PRKDC: variants seen among roughly 807,000 people sequenced by gnomAD.
The protein encoded by PRKDC is DNA-dependent protein kinase catalytic subunit.
PRKDC carries 82 observed loss-of-function variants against 486.9 expected under a neutral mutation model. That is an observed-to-expected ratio of 0.17 (90% CI 0.14 to 0.20). The LOEUF (loss-of-function observed/expected upper bound fraction) is 0.20, where lower values mean the gene tolerates loss of function less well. Ranked by LOEUF, PRKDC falls within the 10% of genes least tolerant of loss-of-function variation. The pLI, the probability that PRKDC is intolerant of heterozygous loss-of-function variation, is 1.00. For missense variants in PRKDC, 4,504 were observed against 5,038.2 expected (o/e 0.89, Z 3.21); for synonymous variants, 1,895 against 1,837.0 (o/e 1.03, Z -0.81).
chr8:47,938,910 T>C (rs2090396120), intron 11 of PRKDC, among the ~76,000 whole-genome samples: 1 of 152,194 alleles, frequency 6.6e-6, no homozygotes, highest in Non-Finnish European at 1.5e-5. Flanking sequence ...ATAAACTTTT[T>C]TTTTAACTTC....
chr8:47,919,538 T>C (rs530992155), intron 21 of PRKDC, among the ~76,000 whole-genome samples: 43 of 152,336 alleles, frequency 2.8e-4, no homozygotes, highest in African/African-American at 1.0e-3. Context: ...CCAGGTGAGC[T>C]GCGCCGCGGG....
intron 62 of PRKDC, among the ~76,000 whole-genome samples, chr8:47,827,834 A>G (rs1314975872): frequency 6.6e-6 from 1 of 152,252 alleles, no homozygotes; most frequent in Admixed American, 6.5e-5. Flanking sequence ...TTTTGACAGT[A>G]GTCAGGAAGC....
At chr8:47,780,531 C>G (rs2086681792) in intron 80 of PRKDC, among the ~76,000 whole-genome samples, 1 of 152,228 alleles carries the variant, frequency 6.6e-6, no homozygotes, top group Non-Finnish European at 1.5e-5. Flanking sequence ...CTTAGCAATT[C>G]AATCACTTCA....
At chr8:47,834,519 GC>G in intron 58 of PRKDC, 123 bp from the exon 59 acceptor site, 1 of 991,634 alleles carries the variant, frequency 1.0e-6, no homozygotes. Context: ...CCAACCCTGG[GC>G]AGAGGCTCTG....
At chr8:47,884,772 C>G (rs1236872088) in intron 36 of PRKDC, among the ~76,000 whole-genome samples, 2 of 152,216 alleles carry the variant, frequency 1.3e-5, no homozygotes, top group Non-Finnish European at 2.9e-5. Flanking sequence ...CAACAGTTAA[C>G]AGTTTCTGTC....
Position 47,821,810 on chromosome 8 carries a change from A to T in PRKDC, c.8923-18T>A, listed in dbSNP as rs996319313. On this transcript the variant is annotated intron_variant, in intron 64 of 85. Transcript: ENST00000314191. ...TTGAGAGCCTAGTGGAGAAAAGTTAATAAAATTATTTTACAAAGTTGGAAA... is the reference window on the plus strand; with the variant it reads ...TTGAGAGCCTAGTGGAGAAAAGTTATTAAAATTATTTTACAAAGTTGGAAA... 1 of 1,518,946 alleles carries T rather than the reference A, an allele frequency of 6.6e-7. No homozygotes were observed. The highest frequency in any genetic ancestry group is 1.3e-5 in the South Asian group (1 of 76,714). 94.1% of individuals were successfully genotyped at this position (1,518,946 alleles called of 1,614,324 possible).
At chr8:47,777,964 G>T in intron 83 of PRKDC, 90 bp from the exon 84 acceptor site, 1 of 1,191,950 alleles carries the variant, frequency 8.4e-7, no homozygotes, top group Non-Finnish European at 1.2e-6. Context: ...CATAGTTACT[G>T]TTCACATTTA....
chr8:47,794,756 T>C lies in PRKDC; in HGVS notation c.10459-255A>G, dbSNP rs556343682. On this transcript the variant is annotated intron_variant, in intron 73 of 85. Transcript: ENST00000314191. ...GCTGCTGGTTGTTCTTAGACAGATGTATAGAAAAATCTTCTACTTCATTCC... is the reference window on the plus strand; with the variant it reads ...GCTGCTGGTTGTTCTTAGACAGATGCATAGAAAAATCTTCTACTTCATTCC... Among the ~76,000 whole-genome samples, 258 of 152,348 alleles carry C rather than the reference T, an allele frequency of 1.7e-3. 1 individual carries two copies. Among genetic ancestry groups the C allele is most frequent in the Non-Finnish European group, 8.8e-4 (60 of 68,024 alleles).
At chr8:47,933,433 A>C (rs1212449077) in intron 15 of PRKDC, among the ~76,000 whole-genome samples, 1 of 152,236 alleles carries the variant, frequency 6.6e-6, no homozygotes, top group Non-Finnish European at 1.5e-5. Flanking sequence ...GTAAGTGAGA[A>C]GATTTAGGCC....
At chr8:47,862,977 A>T (rs2088712128) in intron 42 of PRKDC, among the ~76,000 whole-genome samples, 1 of 152,240 alleles carries the variant, frequency 6.6e-6, no homozygotes, top group Admixed American at 6.5e-5. Context: ...CCATTAAAAG[A>T]CAAGTTTTAG....
At chr8:47,910,925 A>G (rs1397137653) in intron 25 of PRKDC, among the ~76,000 whole-genome samples, 1 of 152,188 alleles carries the variant, frequency 6.6e-6, no homozygotes, top group Admixed American at 6.5e-5. Context: ...AGAATAATAT[A>G]TGAAAAAAGA....
At chr8:47,891,513 G>A (rs531493666) in intron 31 of PRKDC, among the ~76,000 whole-genome samples, 2 of 152,244 alleles carry the variant, frequency 1.3e-5, no homozygotes, top group East Asian at 3.9e-4. Context: ...GAGGTCAGGA[G>A]ATCGAGACCA....
chr8:47,870,176 C>A (rs1321975960), intron 40 of PRKDC, among the ~76,000 whole-genome samples: 5 of 152,090 alleles, frequency 3.3e-5, no homozygotes, highest in Non-Finnish European at 5.9e-5. Flanking sequence ...AGCCACTGGG[C>A]CTTGAATGAA....
rs971837253 is a variant in PRKDC, at chr8:47,912,517, C to A, written c.2827G>T (p.Gly943Cys). 3.1e-6 allele frequency: 5 copies of A among 1,612,426 alleles called. No homozygotes were observed. The highest frequency in any genetic ancestry group is 4.2e-6 in the Non-Finnish European group (5 of 1,179,066). The change falls in exon 25 of 86, where the codon GGC (glycine) becomes TGC (cysteine). Residue 943 changes from glycine (G) to cysteine (C), a missense_variant. Physicochemically the swap from Gly to Cys is radical, Grantham distance 159. Transcript: ENST00000314191. ...LLHSMVMFML[G>C]KATQMPEGGQ... ...CCTTCTGGCATCTGCGTGGCTTTGC[C>A]CAACATAAACATAACCATGCTATGT...
chr8:47,826,900 G>A (rs1186779690), intron 62 of PRKDC, 39 bp from the exon 63 acceptor site: 5 of 1,515,588 alleles, frequency 3.3e-6, no homozygotes, highest in Non-Finnish European at 4.5e-6. Context: ...TTAGCTTGTG[G>A]TACTTGGACC....
intron 21 of PRKDC, among the ~76,000 whole-genome samples, chr8:47,923,035 A>G (rs906075902): frequency 2.6e-5 from 4 of 152,136 alleles, no homozygotes; most frequent in Non-Finnish European, 2.9e-5. Context: ...TTTACTGATC[A>G]AGGACTTTGC....
rs1287091540 is a variant in PRKDC at position 47,788,969 on chromosome 8, C to T, written c.10839G>A (p.Met3613Ile). The change falls in exon 76 of 86, where the codon ATG becomes ATA. Residue 3613 changes from methionine to isoleucine, a missense_variant. By Grantham distance (10) the Met-to-Ile change is conservative (BLOSUM62 1). Around this residue, in one of 6 missense-constraint regions of PRKDC, gnomAD observed 706 missense variants for 945.0 expected, o/e 0.75. Transcript: ENST00000314191. ...KKNIEKMYERMYAALGDPKAP... is the reference protein window; with the variant it reads ...KKNIEKMYERIYAALGDPKAP... ...CCTTTGGGTCACCCAAGGCTGCATACATTCTTTCATACATTTTTTCAATGT... is the reference window on the plus strand; with the variant it reads ...CCTTTGGGTCACCCAAGGCTGCATATATTCTTTCATACATTTTTTCAATGT... 1.2e-6 allele frequency: 2 copies of T among 1,613,446 alleles called. No homozygotes were observed. The highest frequency in any genetic ancestry group is 4.5e-5 in the East Asian group (2 of 44,872).
At chr8:47,934,216 GGAA>G in intron 14 of PRKDC, 126 bp from the exon 15 acceptor site, 1 of 1,104,476 alleles carries the variant, frequency 9.1e-7, no homozygotes, top group Non-Finnish European at 1.2e-6. Flanking sequence ...ATATGATTAA[GGAA>G]GACATCGTAT....
At chr8:47,888,907 G>T in intron 33 of PRKDC, 107 bp downstream of exon 33, 2 of 1,219,576 alleles carry the variant, frequency 1.6e-6, no homozygotes, top group South Asian at 1.4e-5. Context: ...ACATCCCACT[G>T]ATATAAGCCT....
Sources: gnomAD v4.1 joint callset for allele counts (sites outside exome capture counted in the v4.1 genomes callset) on GRCh38, gnomAD v4.1.1 for gene constraint, gnomAD v4.1.1 regional missense constraint, MANE v1.5 for transcripts, NCBI Gene and HGNC (gene_info 2026-07-23, HGNC 2026-07-21) for gene names.